GULP1: variants seen among roughly 807,000 people sequenced by gnomAD.
GULP1 encodes PTB domain-containing engulfment adapter protein 1.
GULP1 carries 19 observed loss-of-function variants against 40.9 expected under a neutral mutation model. That is an observed-to-expected ratio of 0.46 (90% confidence interval 0.32 to 0.68). The LOEUF (loss-of-function observed/expected upper bound fraction) is 0.68. Among genes scored for constraint, GULP1 ranks in the 30% least tolerant of loss-of-function variants. GULP1 has a pLI of 0.03. For missense variants in GULP1, 312 were observed against 362.2 expected, an observed-to-expected ratio of 0.86 and a Z score of 1.12; for synonymous variants, 119 against 117.6, an observed-to-expected ratio of 1.01 and a Z score of -0.08.
intron 1 of GULP1, among the ~76,000 whole-genome samples, chr2:188,381,588 A>C (rs951751559): frequency 1.3e-5 from 2 of 152,308 alleles, no homozygotes. Flanking sequence ...ACAATTATTT[A>C]TCTCGAATTA....
At chr2:188,572,273 A>G (rs1393799457) in intron 9 of GULP1, among the ~76,000 whole-genome samples, 1 of 152,222 alleles carries the variant, frequency 6.6e-6, no homozygotes, top group African/African-American at 2.4e-5. Context: ...TTTATTTAGC[A>G]ATTCTCATTA....
intron 6 of GULP1, among the ~76,000 whole-genome samples, chr2:188,531,941 A>G (rs920663588): frequency 6.6e-6 from 1 of 152,184 alleles, no homozygotes; most frequent in Admixed American, 6.5e-5. Flanking sequence ...GGCCATGCTT[A>G]TGTTGAAAGT....
rs149388252 is a variant in GULP1 at position 188,565,110 on chromosome 2, A to T, written c.400-4129A>T. ...TCTTATACGTAACTTTCATTAAAAA[A>T]CATAGAATGTCATTATGAACTTTGG... On this transcript the variant is annotated intron_variant, in intron 7 of 11. Coordinates refer to ENST00000409830, the MANE Select transcript of GULP1 (RefSeq NM_016315.4). 4.0e-3 allele frequency among the ~76,000 whole-genome samples: 606 copies of T among 152,106 alleles called. 5 individuals carry two copies. Among genetic ancestry groups the T allele is most frequent in the African/African-American group, 0.014 (572 of 41,562 alleles).
intron 4 of GULP1, among the ~76,000 whole-genome samples, chr2:188,503,991 T>G (rs2063680737): frequency 6.6e-6 from 1 of 151,908 alleles, no homozygotes; most frequent in African/African-American, 2.4e-5. Flanking sequence ...TGACAATCCT[T>G]TTTAAAATGC....
rs2033891758 is a variant in GULP1, at chr2:188,292,129, C to G, written c.-209C>G. ...GGAGGAACCGGCAGCTCTCCACGCC[C>G]CTGCCCGAAGCCTGACCCGACTGCC... On this transcript the variant is annotated 5_prime_UTR_variant, in exon 1 of 12. Transcript: ENST00000409830. This position sits in a 1 kb window ranked among gnomAD's most constrained non-coding sequence, Gnocchi z 4.0. 1 of 152,312 alleles carries G rather than the reference C, an allele frequency of 6.6e-6. No individual in the cohort carries two copies. The highest frequency in any genetic ancestry group is 1.5e-5 in the Non-Finnish European group (1 of 68,106). 9.4% of individuals were successfully genotyped at this position (152,312 alleles called of 1,614,324 possible).
intron 2 of GULP1, among the ~76,000 whole-genome samples, chr2:188,458,794 G>A (rs1243696916): frequency 3.3e-5 from 5 of 149,420 alleles, no homozygotes; most frequent in Non-Finnish European, 5.9e-5. Context: ...ATTTTTTTTT[G>A]TACCTGTTAA....
intron 2 of GULP1, among the ~76,000 whole-genome samples, chr2:188,466,134 T>C (rs2060092974): frequency 6.6e-6 from 1 of 152,158 alleles, no homozygotes; most frequent in Non-Finnish European, 1.5e-5. Context: ...ACCAGTTATC[T>C]CCATGTTCTG....
At chr2:188,549,779 A>G (rs1692969683) in intron 7 of GULP1, among the ~76,000 whole-genome samples, 3 of 151,968 alleles carry the variant, frequency 2.0e-5, no homozygotes, top group East Asian at 1.9e-4. Flanking sequence ...GGCATGAACT[A>G]TTAGACACAC....
intron 6 of GULP1, among the ~76,000 whole-genome samples, chr2:188,538,638 C>G (rs569792282): frequency 6.6e-6 from 1 of 151,816 alleles, no homozygotes; most frequent in African/African-American, 2.4e-5. Flanking sequence ...GCACCAGTGT[C>G]CCCAAAACAT....
At chr2:188,518,695 G>A (rs1274995263) in intron 4 of GULP1, among the ~76,000 whole-genome samples, 1 of 152,044 alleles carries the variant, frequency 6.6e-6, no homozygotes, top group African/African-American at 2.4e-5. Context: ...AACTGAGCAG[G>A]CACCAGTTGT....
At chr2:188,333,688 T>C (rs921532904) in intron 1 of GULP1, among the ~76,000 whole-genome samples, 1 of 152,330 alleles carries the variant, frequency 6.6e-6, no homozygotes, top group Admixed American at 6.5e-5. Context: ...TTAGAAGACA[T>C]GTAATTTTAC....
chr2:188,544,021 T>A (rs375243751), intron 7 of GULP1, among the ~76,000 whole-genome samples: 1 of 152,094 alleles, frequency 6.6e-6, no homozygotes, highest in African/African-American at 2.4e-5. Flanking sequence ...CAAATTAGAA[T>A]GCTGAATGAC....
At chr2:188,544,586 A>G (rs1034326806) in intron 7 of GULP1, among the ~76,000 whole-genome samples, 6 of 151,854 alleles carry the variant, frequency 4.0e-5, no homozygotes, top group Non-Finnish European at 8.8e-5. Flanking sequence ...TAAAGTAATG[A>G]CATGAAAGAC....
intron 2 of GULP1, among the ~76,000 whole-genome samples, chr2:188,441,847 G>C (rs2057964706): frequency 1.3e-5 from 2 of 152,130 alleles, no homozygotes; most frequent in African/African-American, 4.8e-5. Context: ...AGCCCTGACT[G>C]ATAGAGCTTT....
chr2:188,560,396 T>C (rs1695931191), intron 7 of GULP1, among the ~76,000 whole-genome samples: 1 of 152,210 alleles, frequency 6.6e-6, no homozygotes. Flanking sequence ...CACATTGGAC[T>C]TCACTGTCTA....
intron 7 of GULP1, among the ~76,000 whole-genome samples, chr2:188,556,595 T>C (rs1300958314): frequency 2.0e-5 from 3 of 152,232 alleles, no homozygotes. Context: ...AGAATTATTA[T>C]GTTTCTTTCA....
intron 5 of GULP1, among the ~76,000 whole-genome samples, chr2:188,527,275 G>C: frequency 6.6e-6 from 1 of 152,158 alleles, no homozygotes; most frequent in East Asian, 1.9e-4. Flanking sequence ...TCTGGATGTG[G>C]AAGGGGCTTC....
At chr2:188,296,310 TAA>T (rs1559080800) in intron 1 of GULP1, among the ~76,000 whole-genome samples, 1 of 152,140 alleles carries the variant, frequency 6.6e-6, no homozygotes, top group Non-Finnish European at 1.5e-5. Flanking sequence ...AGAGAATGGC[TAA>T]AAGTCATTGT....
At chr2:188,498,826 T>A (rs1023169404) in intron 4 of GULP1, among the ~76,000 whole-genome samples, 22 of 151,780 alleles carry the variant, frequency 1.4e-4, no homozygotes, top group Non-Finnish European at 2.9e-4. Context: ...CACTATGTAC[T>A]CCATGAATAT....
Sources: gnomAD v4.1 joint callset for allele counts (sites outside exome capture counted in the v4.1 genomes callset) on GRCh38, gnomAD v4.1.1 for gene constraint, Gnocchi (gnomAD v3.1) non-coding constraint, MANE v1.5 for transcripts, NCBI Gene and HGNC (gene_info 2026-07-23, HGNC 2026-07-21) for gene names.